Variants in SEMA3E observed in about 807,000 individuals in gnomAD.
SEMA3E encodes semaphorin 3E.
SEMA3E carries 49 observed loss-of-function variants against 93.6 expected under a neutral mutation model. The observed-to-expected ratio is 0.52, with a 90% CI of 0.42 to 0.66. The LOEUF (loss-of-function observed/expected upper bound fraction) is 0.66. Ranked by LOEUF, SEMA3E falls within the 30% of genes least tolerant of loss-of-function variation. SEMA3E has a pLI of 0.00. For missense variants in SEMA3E, 906 were observed against 964.8 expected, an observed-to-expected ratio of 0.94 and a Z score of 0.81; for synonymous variants, 363 against 330.7, an observed-to-expected ratio of 1.10 and a Z score of -1.06.
intron 1 of SEMA3E, among the ~76,000 whole-genome samples, chr7:83,586,347 A>G (rs1387683198): frequency 6.6e-6 from 1 of 152,092 alleles, no homozygotes; most frequent in Non-Finnish European, 1.5e-5. Context: ...TTTATTATCT[A>G]TGAAACAGTT....
intron 1 of SEMA3E, among the ~76,000 whole-genome samples, chr7:83,591,153 A>G (rs768061323): frequency 8.6e-5 from 13 of 151,152 alleles, no homozygotes; most frequent in Non-Finnish European, 1.5e-4. Flanking sequence ...ATAGATAAGT[A>G]AATGTTTAGT....
At chr7:83,631,658 T>C (rs962437803) in intron 1 of SEMA3E, among the ~76,000 whole-genome samples, 1 of 152,180 alleles carries the variant, frequency 6.6e-6, no homozygotes, top group African/African-American at 2.4e-5. Flanking sequence ...CCACACACTG[T>C]TACTACACAT....
chr7:83,378,187 C>A (rs1787695498), intron 16 of SEMA3E, among the ~76,000 whole-genome samples: 1 of 151,794 alleles, frequency 6.6e-6, no homozygotes, highest in African/African-American at 2.4e-5. Context: ...AGATAGAAGA[C>A]CTTTGGAACT....
At chr7:83,427,559 A>G (rs187261115) in intron 4 of SEMA3E, among the ~76,000 whole-genome samples, 1 of 152,280 alleles carries the variant, frequency 6.6e-6, no homozygotes, top group Admixed American at 6.5e-5. Flanking sequence ...CAGTTTTCAA[A>G]CCTTTATTTA....
rs372674494 is a variant in SEMA3E, at chr7:83,551,682, A to G, written c.116-61408T>C. The stretch of plus-strand genomic sequence containing the variant: ...GAATACATGAACAATAACAGAACTC[A>G]GAGCATCATTTTCCTTAGACTTTTT... On this transcript the variant is annotated intron_variant, in intron 1 of 16. Transcript: ENST00000643230. 7.9e-5 allele frequency among the ~76,000 whole-genome samples: 12 copies of G among 152,300 alleles called. 1 individual carries two copies. Among genetic ancestry groups the G allele is most frequent in the Admixed American group, 6.5e-5 (1 of 15,292 alleles).
chr7:83,486,590 C>T (rs1014776706), intron 2 of SEMA3E, among the ~76,000 whole-genome samples: 1 of 152,058 alleles, frequency 6.6e-6, no homozygotes, highest in Non-Finnish European at 1.5e-5. Flanking sequence ...TAAAGTAGAC[C>T]TTACTCCTAC....
intron 4 of SEMA3E, among the ~76,000 whole-genome samples, chr7:83,455,660 G>T (rs1402233732): frequency 1.3e-5 from 2 of 152,162 alleles, no homozygotes; most frequent in East Asian, 1.9e-4. Context: ...AAACGTGATG[G>T]GATAGTCATT....
chr7:83,441,709 C>G (rs185485678), intron 4 of SEMA3E, among the ~76,000 whole-genome samples: 12 of 152,182 alleles, frequency 7.9e-5, no homozygotes, highest in Non-Finnish European at 1.5e-4. Flanking sequence ...TAACCTGCCC[C>G]ATGTTACACA....
At position 83,648,549 on chromosome 7, in the gene SEMA3E, G is replaced by C; in HGVS notation, c.-7C>G. 1 of 1,604,270 alleles carries C rather than the reference G, an allele frequency of 6.2e-7. No individual in the cohort carries two copies. Among genetic ancestry groups the C allele is most frequent in the Non-Finnish European group, 8.5e-7 (1 of 1,171,638 alleles). On this transcript the variant is annotated 5_prime_UTR_variant, in exon 1 of 17. Transcript: ENST00000643230. Reference sequence around the variant, plus strand: ...TGTGCCCCGCGGATGCCATGCTGCCGTGTTCACCGTCCAAGCCCTCGCTCC... The same window carrying C: ...TGTGCCCCGCGGATGCCATGCTGCCCTGTTCACCGTCCAAGCCCTCGCTCC...
At position 83,418,437 on chromosome 7, in the gene SEMA3E, C is replaced by A. The variant is rs1401480973; in HGVS notation, c.503G>T (p.Gly168Val). 1.2e-6 allele frequency: 2 copies of A among 1,611,982 alleles called. No individual in the cohort carries two copies. The highest frequency in any genetic ancestry group is 1.7e-6 in the Non-Finnish European group (2 of 1,179,042). ...GGAGCTGGGGTCAAAAGGACATCTG[C>A]CCCTTCCTCTCTCAGATCTGGGTGA... ...LESPRSERGR[G>V]RCPFDPSSSF... The change falls in exon 5 of 17, where the codon GGC (glycine) becomes GTC (valine). Residue 168 changes from glycine to valine, a missense_variant. Transcript: ENST00000643230.
chr7:83,498,649 T>C (rs573534972), intron 1 of SEMA3E, among the ~76,000 whole-genome samples: 2 of 152,086 alleles, frequency 1.3e-5, no homozygotes, highest in Non-Finnish European at 2.9e-5. Context: ...TGCAAATTTT[T>C]GTATTTTTTA....
chr7:83,402,541 G>T, intron 10 of SEMA3E, 91 bp downstream of exon 10: 1 of 1,201,052 alleles, frequency 8.3e-7, no homozygotes. Context: ...TTCCTTAATT[G>T]TTTATCTGCA....
chr7:83,418,930 T>A (rs912556660), intron 4 of SEMA3E, among the ~76,000 whole-genome samples: 5 of 152,106 alleles, frequency 3.3e-5, no homozygotes, highest in African/African-American at 1.2e-4. Context: ...GGGGTACATA[T>A]GCAGGTTTGT....
chr7:83,414,590 A>C (rs1788505019), intron 5 of SEMA3E, among the ~76,000 whole-genome samples: 1 of 152,132 alleles, frequency 6.6e-6, no homozygotes, highest in South Asian at 2.1e-4. Context: ...GGAAAAATTC[A>C]TGGACTATAA....
At chr7:83,647,999 A>G (rs1794101467) in intron 1 of SEMA3E, among the ~76,000 whole-genome samples, 1 of 152,190 alleles carries the variant, frequency 6.6e-6, no homozygotes, top group Admixed American at 6.5e-5. Flanking sequence ...AACAAAAAGA[A>G]CAAATTGCAC....
intron 4 of SEMA3E, among the ~76,000 whole-genome samples, chr7:83,435,991 T>C (rs1467730625): frequency 1.3e-5 from 2 of 152,174 alleles, no homozygotes; most frequent in Admixed American, 6.5e-5. Context: ...TTTCTTTGTA[T>C]AGATTACATT....
intron 1 of SEMA3E, among the ~76,000 whole-genome samples, chr7:83,585,345 C>G (rs1792604129): frequency 6.6e-6 from 1 of 152,108 alleles, no homozygotes; most frequent in Admixed American, 6.6e-5. Context: ...TCTCTCCCAC[C>G]AGTATGTACG....
intron 14 of SEMA3E, 104 bp from the exon 15 acceptor site, chr7:83,387,154 A>T (rs1584209453): frequency 1.1e-6 from 1 of 902,798 alleles, no homozygotes; most frequent in Admixed American, 2.1e-5. Context: ...GCTACTGAAA[A>T]AAATGATCAT....
chr7:83,582,979 C>T (rs1363086641), intron 1 of SEMA3E, among the ~76,000 whole-genome samples: 1 of 151,864 alleles, frequency 6.6e-6, no homozygotes, highest in Non-Finnish European at 1.5e-5. Context: ...GTGGCTGTTT[C>T]CTTGTCTGGA....
Sources: allele counts gnomAD v4.1 joint callset (sites outside exome capture counted in the v4.1 genomes callset), GRCh38; gene constraint gnomAD v4.1.1; transcripts MANE v1.5; gene names NCBI Gene and HGNC (gene_info 2026-07-23, HGNC 2026-07-21).